TTC7A: variants seen among roughly 807,000 people sequenced by gnomAD.
TTC7A encodes the protein tetratricopeptide repeat protein 7A.
TTC7A carries 110 observed loss-of-function variants against 103.7 expected under a neutral mutation model. The observed-to-expected ratio is 1.06, with a 90% confidence interval of 0.91 to 1.24. TTC7A has a LOEUF of 1.24. Among genes scored for constraint, TTC7A ranks in the 50% most tolerant of loss-of-function variants. The pLI is 0.00. For synonymous variants in TTC7A, 521 were observed against 467.9 expected, an observed-to-expected ratio of 1.11 and a Z score of -1.47; for missense variants, 1,340 against 1,116.3, an observed-to-expected ratio of 1.20 and a Z score of -2.86.
At chr2:46,924,477 G>C (rs1168076258) in intron 2 of TTC7A, among the ~76,000 whole-genome samples, 3 of 151,994 alleles carry the variant, frequency 2.0e-5, no homozygotes, top group African/African-American at 7.2e-5. Flanking sequence ...TTTTGTATTT[G>C]AGTATAATAA....
intron 3 of TTC7A, among the ~76,000 whole-genome samples, chr2:46,964,157 G>A (rs1175846740): frequency 1.3e-5 from 2 of 152,242 alleles, no homozygotes; most frequent in African/African-American, 2.4e-5. Flanking sequence ...TGCAGAGGGA[G>A]GTGAGATCCA....
intron 10 of TTC7A, 67 bp from the exon 11 acceptor site, chr2:47,011,264 G>A (rs560305860): frequency 3.1e-5 from 45 of 1,447,112 alleles, no homozygotes; most frequent in Admixed American, 2.3e-4. Context: ...TGGGAAGCTC[G>A]CCCCACTGTG....
At chr2:47,041,010 T>A (rs1413540598) in intron 15 of TTC7A, among the ~76,000 whole-genome samples, 7 of 152,188 alleles carry the variant, frequency 4.6e-5, no homozygotes, top group Non-Finnish European at 8.8e-5. Flanking sequence ...TTCAGGCGTT[T>A]CGATCACAGA....
rs370245493 is a variant in TTC7A at position 46,975,122 on chromosome 2, C to T, written c.648+19C>T. The T allele has an allele frequency of 1.1e-5, 18 of 1,612,008 alleles. No individual in the cohort carries two copies. The highest frequency in any genetic ancestry group is 1.5e-5 in the Non-Finnish European group (18 of 1,178,844). The stretch of plus-strand genomic sequence containing the variant: ...GGAGAAGGTGAGCTGGAAATAACAC[C>T]GTGGTAGGAGCTGCTCTCTATTGAG... On this transcript the variant is annotated intron_variant, in intron 4 of 19. Transcript: ENST00000319190.
intron 2 of TTC7A, among the ~76,000 whole-genome samples, chr2:46,954,524 G>A (rs1283949764): frequency 6.7e-6 from 1 of 149,648 alleles, no homozygotes; most frequent in African/African-American, 2.5e-5. Flanking sequence ...AAACAGTTTA[G>A]CATTGAAAGG....
Position 47,051,797 on chromosome 2 carries a change from C to G in TTC7A, c.2069C>G (p.Ser690Ter). 6.2e-7 allele frequency: 1 copy of G among 1,611,814 alleles called. No individual in the cohort carries two copies. Among genetic ancestry groups the G allele is most frequent in the South Asian group, 1.1e-5 (1 of 91,008 alleles). The change falls in exon 18 of 20, where the codon TCA becomes TGA. Residue 690 changes from serine to a stop codon, truncating the protein, a stop_gained. Coordinates refer to ENST00000319190, the MANE Select transcript of TTC7A (RefSeq NM_020458.4). LOFTEE classifies it high-confidence loss of function. ...IAASRLEEAM[S>*]ELTMPSSVLK... is the part of the protein sequence containing the mutation. ...GCCTCCCGGCTGGAGGAGGCCATGTCAGAGCTGACTATGCCCTCTTCGGTC... is the reference window on the plus strand; with the variant it reads ...GCCTCCCGGCTGGAGGAGGCCATGTGAGAGCTGACTATGCCCTCTTCGGTC...
intron 5 of TTC7A, among the ~76,000 whole-genome samples, chr2:46,991,245 G>A (rs1301304146): frequency 6.6e-6 from 1 of 152,068 alleles, no homozygotes; most frequent in Admixed American, 6.5e-5. Flanking sequence ...CAGCAGGTCT[G>A]GGTGGGGGTC....
intron 3 of TTC7A, among the ~76,000 whole-genome samples, chr2:46,962,407 C>A (rs528395659): frequency 6.6e-6 from 1 of 152,196 alleles, no homozygotes; most frequent in Admixed American, 6.5e-5. Flanking sequence ...CTCCACCGAG[C>A]GTCTGACCTC....
chr2:46,953,369 G>A (rs1671569802), intron 2 of TTC7A, among the ~76,000 whole-genome samples: 1 of 152,136 alleles, frequency 6.6e-6, no homozygotes, highest in South Asian at 2.1e-4. Flanking sequence ...TGCTCAGGCT[G>A]GTCTTAAACT....
intron 14 of TTC7A, among the ~76,000 whole-genome samples, chr2:47,027,597 G>C (rs936266655): frequency 7.2e-5 from 11 of 152,246 alleles, no homozygotes; most frequent in African/African-American, 2.4e-4. Flanking sequence ...TGAGTGAGCG[G>C]CAGCACCAAC....
chr2:47,004,181 C>A (rs1361661972), intron 8 of TTC7A, among the ~76,000 whole-genome samples: 1 of 152,200 alleles, frequency 6.6e-6, no homozygotes, highest in East Asian at 1.9e-4. Context: ...TCCATGGGGG[C>A]ATGGGCAGCA....
rs1670382994 is a variant in TTC7A at position 46,941,595 on chromosome 2, G to C, written c.54G>C (p.Glu18Asp). The change falls in exon 1 of 20, where the codon GAG becomes GAC. Residue 18 changes from glutamate to aspartate, a missense_variant. By Grantham distance (45) the Glu-to-Asp change is conservative. Coordinates refer to ENST00000319190, the MANE Select transcript of TTC7A (RefSeq NM_020458.4). This position sits in a 1 kb window ranked among gnomAD's most constrained non-coding sequence, Gnocchi z 4.2. Reference sequence around the variant, plus strand: ...ACCTGAAGGTGGAGAGCGAGCTGGAGCGCTGCCGCGCCGAGGGCCACTGGG... The same window carrying C: ...ACCTGAAGGTGGAGAGCGAGCTGGACCGCTGCCGCGCCGAGGGCCACTGGG... Reference protein sequence around the residue: ...GSYLKVESELERCRAEGHWDR... With the variant: ...GSYLKVESELDRCRAEGHWDR... The C allele has an allele frequency of 6.4e-7, 1 of 1,557,026 alleles. No individual in the cohort carries two copies. The highest frequency in any genetic ancestry group is 8.7e-7 in the Non-Finnish European group (1 of 1,150,996).
At chr2:47,042,434 C>G (rs906850957) in intron 15 of TTC7A, among the ~76,000 whole-genome samples, 1 of 151,934 alleles carries the variant, frequency 6.6e-6, no homozygotes, top group Admixed American at 6.6e-5. Context: ...CCCAGGAGAT[C>G]GAGGCTGCAA....
chr2:47,024,470 T>C (rs1679664549), intron 14 of TTC7A, 111 bp downstream of exon 14: 1 of 950,092 alleles, frequency 1.1e-6, no homozygotes, highest in South Asian at 1.7e-5. Flanking sequence ...CCTCCCTGAG[T>C]TTGTTTCCTT....
intron 8 of TTC7A, among the ~76,000 whole-genome samples, chr2:46,998,313 G>A (rs1676435152): frequency 6.6e-6 from 1 of 152,150 alleles, no homozygotes; most frequent in Non-Finnish European, 1.5e-5. Flanking sequence ...CCGGCTGCTG[G>A]ATCTGGCCTC....
intron 3 of TTC7A, among the ~76,000 whole-genome samples, chr2:46,958,845 G>A (rs1409278344): frequency 6.6e-6 from 1 of 152,234 alleles, no homozygotes; most frequent in African/African-American, 2.4e-5. Context: ...TTCGGGGGCT[G>A]AGGACGCTGG....
chr2:46,972,708 G>A (rs911020754), intron 3 of TTC7A, among the ~76,000 whole-genome samples: 2 of 152,234 alleles, frequency 1.3e-5, no homozygotes, highest in Non-Finnish European at 2.9e-5. Context: ...GCAGAGACCT[G>A]AGCATGGGTA....
intron 11 of TTC7A, among the ~76,000 whole-genome samples, chr2:47,016,115 A>G (rs1008544152): frequency 6.6e-6 from 1 of 152,226 alleles, no homozygotes; most frequent in Non-Finnish European, 1.5e-5. Flanking sequence ...GGGCATTAGC[A>G]GAGTGTGTGA....
chr2:47,020,455 G>C (rs769249416), intron 11 of TTC7A, among the ~76,000 whole-genome samples: 26 of 152,218 alleles, frequency 1.7e-4, no homozygotes, highest in Non-Finnish European at 3.4e-4. Flanking sequence ...ATAAGCCCTG[G>C]GTTCTCGGGC....
Sources: allele counts gnomAD v4.1 joint callset (sites outside exome capture counted in the v4.1 genomes callset), GRCh38; gene constraint gnomAD v4.1.1; non-coding constraint Gnocchi (gnomAD v3.1); transcripts MANE v1.5; gene names NCBI Gene and HGNC (gene_info 2026-07-23, HGNC 2026-07-21).